Variants in ANKRD10 observed in about 807,000 individuals in gnomAD.
The protein encoded by ANKRD10 is ankyrin repeat domain 10.
A neutral mutation model predicts 27.0 loss-of-function variants in ANKRD10; 14 were observed. The ratio of observed to expected loss-of-function variants is 0.52; its 90% CI spans 0.34 to 0.81. The LOEUF (loss-of-function observed/expected upper bound fraction) is 0.81. Ranked by LOEUF, ANKRD10 falls within the 40% of genes least tolerant of loss-of-function variation. The pLI is 0.01. For synonymous variants in ANKRD10, 250 were observed against 224.5 expected (o/e 1.11, Z -1.01); for missense variants, 493 against 544.0 (o/e 0.91, Z 0.93).
chr13:110,910,866 G>T, intron 1 of ANKRD10, 96 bp from the exon 2 acceptor site: 4 of 1,269,516 alleles, frequency 3.2e-6, no homozygotes, highest in Non-Finnish European at 4.3e-6. Context: ...GTGACAAATG[G>T]CATTGTTACC....
Position 110,893,144 on chromosome 13 carries a change from C to T in ANKRD10, c.575G>A (p.Gly192Asp). The change falls in exon 4 of 6, where the codon GGC (glycine) becomes GAC (aspartate). Residue 192 changes from glycine (G) to aspartate (D), a missense_variant. Transcript: ENST00000267339. ...NCHLNHFYNN[G>D]ILNGGHQNVF... ...ATTCTGATGACCCCCATTTAAGATG[C>T]CATTGTTATAGAAATGGTTCAGATG... is the stretch of plus-strand genomic sequence containing the variant. 6.2e-7 allele frequency: 1 copy of T among 1,614,164 alleles called. No homozygotes were observed. The highest frequency in any genetic ancestry group is 1.1e-5 in the South Asian group (1 of 91,090).
intron 5 of ANKRD10, 125 bp downstream of exon 5, chr13:110,883,573 G>T: frequency 7.0e-7 from 1 of 1,437,352 alleles, no homozygotes; most frequent in Non-Finnish European, 9.2e-7. Context: ...AACGACAGGG[G>T]GTCTGCATTG....
chr13:110,884,850 A>C (rs1355544860), intron 4 of ANKRD10, among the ~76,000 whole-genome samples: 1 of 152,222 alleles, frequency 6.6e-6, no homozygotes, highest in Non-Finnish European at 1.5e-5. Flanking sequence ...AAACATTTAA[A>C]AATAGGGAGA....
intron 4 of ANKRD10, 165 bp downstream of exon 4, chr13:110,892,863 G>T: frequency 7.1e-7 from 1 of 1,417,016 alleles, no homozygotes; most frequent in South Asian, 1.6e-5. Context: ...TCCCATCTTC[G>T]CAGTGGCAGT....
chr13:110,879,047 ATCT>A lies in ANKRD10; in HGVS notation c.*587_*589del, dbSNP rs1397181498. ...GTTTTCCATGAAGCCCAAGGCAGTG[ATCT>A]TCATCATTAAGGAGGGACCACTGTG... On this transcript the variant is annotated 3_prime_UTR_variant, in exon 6 of 6. Coordinates refer to ENST00000267339, the MANE Select transcript of ANKRD10 (RefSeq NM_017664.4). 3 of 153,952 alleles carry A rather than the reference ATCT, an allele frequency of 1.9e-5. No homozygotes were observed. The highest frequency in any genetic ancestry group is 6.4e-5 in the Admixed American group (1 of 15,714). The allele number at this position is 153,952 out of a possible 1,614,324, so 9.5% of individuals were successfully genotyped here.
chr13:110,901,109 T>C (rs1414035416), intron 3 of ANKRD10, among the ~76,000 whole-genome samples: 5 of 152,130 alleles, frequency 3.3e-5, no homozygotes, highest in Non-Finnish European at 7.4e-5. Context: ...CATGGAATCA[T>C]TAAAAAAAGA....
chr13:110,901,970 G>A (rs570457046), intron 3 of ANKRD10, among the ~76,000 whole-genome samples: 2 of 149,552 alleles, frequency 1.3e-5, no homozygotes, highest in East Asian at 4.0e-4. Flanking sequence ...TGGAGCCCAG[G>A]AGTTTGAAGT....
At chr13:110,885,318 C>T (rs934602807) in intron 4 of ANKRD10, among the ~76,000 whole-genome samples, 6 of 151,990 alleles carry the variant, frequency 3.9e-5, no homozygotes, top group East Asian at 1.9e-4. Flanking sequence ...TTTGGGAGGC[C>T]GAGGCGGGTG....
At chr13:110,913,854 TTC>T (rs1208040163) in intron 1 of ANKRD10, among the ~76,000 whole-genome samples, 1 of 152,196 alleles carries the variant, frequency 6.6e-6, no homozygotes, top group Non-Finnish European at 1.5e-5. Flanking sequence ...TATTTAAGAT[TTC>T]TGAGAGCAAG....
chr13:110,902,363 G>A (rs555808730), intron 3 of ANKRD10, among the ~76,000 whole-genome samples: 2 of 79,702 alleles, frequency 2.5e-5, no homozygotes, highest in East Asian at 7.0e-4. Context: ...AGGGCTCTAT[G>A]GTAAACAAAG....
chr13:110,882,016 G>T (rs750579051), intron 5 of ANKRD10, among the ~76,000 whole-genome samples: 12 of 151,950 alleles, frequency 7.9e-5, no homozygotes, highest in Non-Finnish European at 1.5e-4. Flanking sequence ...CGGATCCCAC[G>T]AACATCCAAA....
chr13:110,900,623 A>G lies in ANKRD10; in HGVS notation c.455+5410T>C, dbSNP rs759855431. The G allele has an allele frequency of 5.2e-6, 7 of 1,351,936 alleles. No individual in the cohort carries two copies. The South Asian group carries it at 6.8e-5, about 13-fold the overall frequency. 83.7% of individuals were successfully genotyped at this position (1,351,936 alleles called of 1,614,324 possible). Reference sequence around the variant, plus strand: ...TCGGAGAAGCACCTGTGGCAGTTTCAGCAGTTTCTATATGGAATGCTCCCC... The same window carrying G: ...TCGGAGAAGCACCTGTGGCAGTTTCGGCAGTTTCTATATGGAATGCTCCCC... On this transcript the variant is annotated intron_variant, in intron 3 of 5. Coordinates refer to ENST00000267339, the MANE Select transcript of ANKRD10 (RefSeq NM_017664.4).
intron 4 of ANKRD10, among the ~76,000 whole-genome samples, chr13:110,891,722 TTGA>T (rs2065078446): frequency 1.3e-5 from 2 of 152,110 alleles, no homozygotes; most frequent in African/African-American, 2.4e-5. Flanking sequence ...ACTTGCACGG[TTGA>T]TTTTTTTAAA....
intron 5 of ANKRD10, among the ~76,000 whole-genome samples, chr13:110,880,554 C>T (rs528788912): frequency 2.0e-4 from 30 of 151,940 alleles, no homozygotes; most frequent in Admixed American, 5.2e-4. Context: ...AGTTCTCAAG[C>T]GAAAATGGAA....
rs1046573008 is a variant in ANKRD10, at chr13:110,879,540, T to C, written c.*97A>G. ...AGAAAGTTGAAGTATATAAAAAACG[T>C]ACAAGTTGTGACATTCGTTCAAGTT... On this transcript the variant is annotated 3_prime_UTR_variant, in exon 6 of 6. Transcript: ENST00000267339. 31 of 936,246 alleles carry C rather than the reference T, an allele frequency of 3.3e-5. No homozygotes were observed. Among genetic ancestry groups the C allele is most frequent in the Non-Finnish European group, 4.6e-5 (29 of 624,080 alleles). 58.0% of individuals were successfully genotyped at this position (936,246 alleles called of 1,614,324 possible).
chr13:110,890,984 G>T (rs1476299102), intron 4 of ANKRD10, among the ~76,000 whole-genome samples: 2 of 152,098 alleles, frequency 1.3e-5, no homozygotes, highest in African/African-American at 4.8e-5. Flanking sequence ...ATTAAGCAAT[G>T]TGGTATTGGC....
chr13:110,900,787 A>G (rs2065360610), intron 3 of ANKRD10: 1 of 801,694 alleles, frequency 1.2e-6, no homozygotes, highest in Non-Finnish European at 1.8e-6. Context: ...AAACTTAAAT[A>G]ATAAGGGATC....
intron 3 of ANKRD10, among the ~76,000 whole-genome samples, chr13:110,899,869 A>G (rs1430080988): frequency 1.3e-5 from 2 of 152,178 alleles, no homozygotes; most frequent in Non-Finnish European, 2.9e-5. Context: ...TACTAAAGAT[A>G]CAAATGCTTA....
chr13:110,898,468 G>C (rs2138856253), intron 3 of ANKRD10, among the ~76,000 whole-genome samples: 1 of 152,280 alleles, frequency 6.6e-6, no homozygotes. Context: ...TTGATTTACA[G>C]GTTCTGTGTT....
Sources: gnomAD v4.1 joint callset for allele counts (sites outside exome capture counted in the v4.1 genomes callset) on GRCh38, gnomAD v4.1.1 for gene constraint, MANE v1.5 for transcripts, NCBI Gene and HGNC (gene_info 2026-07-23, HGNC 2026-07-21) for gene names.